Variants in FBXO34 observed in about 807,000 individuals in gnomAD.
FBXO34 encodes the protein F-box protein 34.
FBXO34 carries 12 observed loss-of-function variants against 24.5 expected under a neutral mutation model. That is an observed-to-expected ratio of 0.49 (90% confidence interval 0.31 to 0.79). FBXO34 has a LOEUF of 0.79. Among genes scored for constraint, FBXO34 ranks in the 30% least tolerant of loss-of-function variants. The pLI is 0.04. For synonymous variants in FBXO34, 320 were observed against 311.9 expected (o/e 1.03, Z -0.27); for missense variants, 823 against 857.7 (o/e 0.96, Z 0.51).
chr14:55,398,048 C>T, the FBXO34 span, among the ~76,000 whole-genome samples: 1 of 150,262 alleles, frequency 6.7e-6, no homozygotes, highest in Non-Finnish European at 1.5e-5. Flanking sequence ...CCTGGGCTCA[C>T]GCCATTCTCC....
chr14:55,356,844 G>C (rs1884530125), downstream of FBXO34, among the ~76,000 whole-genome samples: 1 of 152,096 alleles, frequency 6.6e-6, no homozygotes, highest in Non-Finnish European at 1.5e-5. Flanking sequence ...AACCTCTTGG[G>C]CTCAAGTGAT....
chr14:55,273,227 A>C (rs937957584), intron 1 of FBXO34, among the ~76,000 whole-genome samples: 1 of 150,246 alleles, frequency 6.7e-6, no homozygotes, highest in African/African-American at 2.5e-5. Flanking sequence ...TGCCTTTTAG[A>C]GGTGATTGAT....
chr14:55,416,897 TTCAC>T, the FBXO34 span, among the ~76,000 whole-genome samples: 3 of 152,244 alleles, frequency 2.0e-5, no homozygotes, highest in Non-Finnish European at 4.4e-5. Flanking sequence ...AGCCATGAAC[TTCAC>T]TCATTTTCCA....
downstream of FBXO34, among the ~76,000 whole-genome samples, chr14:55,356,906 G>A (rs574145560): frequency 2.0e-5 from 3 of 152,088 alleles, no homozygotes; most frequent in Non-Finnish European, 2.9e-5. Context: ...ATGTCACTAT[G>A]CCTGGCTAAT....
the FBXO34 span, among the ~76,000 whole-genome samples, chr14:55,427,649 T>C: frequency 3.3e-5 from 5 of 151,446 alleles, no homozygotes; most frequent in Non-Finnish European, 5.9e-5. Flanking sequence ...GGGTTTGGTG[T>C]CCATGAGTCA....
chr14:55,351,635 T>C lies in FBXO34; in HGVS notation c.1245T>C (p.Pro415=). 1 of 1,614,178 alleles carries C rather than the reference T, an allele frequency of 6.2e-7. No homozygotes were observed. The change falls in exon 2 of 2, where the codon CCT becomes CCC. Residue 415 remains proline (P), a synonymous_variant. Transcript: ENST00000313833. ...VEMTDELVGL[P]FSSHTYSQAS... ...TGACAGATGAACTCGTTGGGTTACCTTTTTCCTCTCATACCTATTCCCAAG... is the reference window on the plus strand; with the variant it reads ...TGACAGATGAACTCGTTGGGTTACCCTTTTCCTCTCATACCTATTCCCAAG...
At chr14:55,305,471 G>C (rs1882510612) in intron 1 of FBXO34, among the ~76,000 whole-genome samples, 1 of 151,550 alleles carries the variant, frequency 6.6e-6, no homozygotes, top group African/African-American at 2.4e-5. Flanking sequence ...GAGGCGAGTG[G>C]ATCACTTGAG....
chr14:55,422,788 G>A, the FBXO34 span, among the ~76,000 whole-genome samples: 2 of 152,236 alleles, frequency 1.3e-5, no homozygotes, highest in Non-Finnish European at 2.9e-5. Context: ...TGGAGGTGGA[G>A]GTTGCAGTGA....
intron 1 of FBXO34, among the ~76,000 whole-genome samples, chr14:55,299,666 A>T (rs1225077299): frequency 6.6e-6 from 1 of 152,170 alleles, no homozygotes; most frequent in Non-Finnish European, 1.5e-5. Flanking sequence ...ATTCCTTTTG[A>T]TTATCTAAAA....
the FBXO34 span, among the ~76,000 whole-genome samples, chr14:55,399,750 T>A: frequency 6.6e-6 from 1 of 152,198 alleles, no homozygotes; most frequent in African/African-American, 2.4e-5. Flanking sequence ...TCTCAAACCA[T>A]GCAAAGGACT....
chr14:55,442,549 G>A, the FBXO34 span, among the ~76,000 whole-genome samples: 79,297 of 151,984 alleles, frequency 0.52, 20,834 homozygotes, highest in East Asian at 0.65. Context: ...ACCTTAGAAC[G>A]TAGCATAGGA....
At chr14:55,309,423 A>G (rs1232840387) in intron 1 of FBXO34, among the ~76,000 whole-genome samples, 1 of 152,200 alleles carries the variant, frequency 6.6e-6, no homozygotes, top group Non-Finnish European at 1.5e-5. Flanking sequence ...CAAAATGATG[A>G]TAAAAATAAA....
intron 1 of FBXO34, among the ~76,000 whole-genome samples, 194 bp downstream of exon 1, chr14:55,271,731 G>C (rs79163357): frequency 6.6e-6 from 1 of 151,038 alleles, no homozygotes; most frequent in Non-Finnish European, 1.5e-5. Context: ...CCTCCGGTGC[G>C]GCTCTTTCCG....
chr14:55,442,564 C>T, the FBXO34 span, among the ~76,000 whole-genome samples: 2 of 152,086 alleles, frequency 1.3e-5, no homozygotes, highest in Non-Finnish European at 1.5e-5. Flanking sequence ...ATAGGAAGCA[C>T]ATTATAGTAG....
chr14:55,411,741 C>A, the FBXO34 span: 4 of 1,610,362 alleles, frequency 2.5e-6, no homozygotes, highest in African/African-American at 1.3e-5. Flanking sequence ...TCCACGGAGT[C>A]CACCAGGTCC....
the FBXO34 span, chr14:55,436,573 A>G: frequency 2.5e-6 from 4 of 1,614,008 alleles, no homozygotes; most frequent in Non-Finnish European, 3.4e-6. Context: ...TAGTTGAGGT[A>G]CAATTCCACA....
the FBXO34 span, among the ~76,000 whole-genome samples, chr14:55,387,305 T>C: frequency 6.6e-6 from 1 of 152,176 alleles, no homozygotes; most frequent in East Asian, 1.9e-4. Flanking sequence ...TCAAATCCTT[T>C]CTGCAAGATG....
At chr14:55,367,973 A>G (rs984596258) in exon 3 of FBXO34, 2 of 152,674 alleles carry the variant, frequency 1.3e-5, no homozygotes, top group Non-Finnish European at 2.9e-5. Context: ...AAGCTGGGGC[A>G]TGGCAAACCT....
the FBXO34 span, among the ~76,000 whole-genome samples, chr14:55,379,229 T>A: frequency 6.6e-6 from 1 of 152,060 alleles, no homozygotes; most frequent in African/African-American, 2.4e-5. Context: ...GTGTAAACAG[T>A]GTTTATTTAA....
Sources: gnomAD v4.1 joint callset for allele counts (sites outside exome capture counted in the v4.1 genomes callset) on GRCh38, gnomAD v4.1.1 for gene constraint, MANE v1.5 for transcripts, NCBI Gene and HGNC (gene_info 2026-07-23, HGNC 2026-07-21) for gene names.